The following MIPOL1 variants were observed in gnomAD, a reference collection of about 807,000 sequenced individuals.
MIPOL1 encodes mirror-image polydactyly gene 1 protein.
A neutral mutation model predicts 60.9 loss-of-function variants in MIPOL1; 57 were observed. The ratio of observed to expected loss-of-function variants is 0.94; its 90% CI spans 0.76 to 1.17. MIPOL1 has a LOEUF of 1.17. Among genes scored for constraint, MIPOL1 ranks in the 50% most tolerant of loss-of-function variants. The pLI is 0.00. For missense variants in MIPOL1, 551 were observed against 511.6 expected (o/e 1.08, Z -0.74); for synonymous variants, 179 against 168.8 (o/e 1.06, Z -0.47).
Position 37,375,476 on chromosome 14 carries a change from TG to T in MIPOL1, c.936+5853del, listed in dbSNP as rs1435950258. 7.2e-5 allele frequency among the ~76,000 whole-genome samples: 11 copies of T among 152,154 alleles called. 1 individual carries two copies. The highest frequency in any genetic ancestry group is 6.6e-4 in the Admixed American group (10 of 15,250). ...CGGGGATTACAGACATGAGCTGCCA[TG>T]CCCAGCCTCCTTTTTAATTTATTAA... On this transcript the variant is annotated intron_variant, in intron 10 of 12. Coordinates refer to ENST00000684589, the MANE Select transcript of MIPOL1 (RefSeq NM_001388067.1).
intron 11 of MIPOL1, among the ~76,000 whole-genome samples, chr14:37,432,180 C>T (rs2094083143): frequency 6.6e-6 from 1 of 152,156 alleles, no homozygotes; most frequent in Non-Finnish European, 1.5e-5. Context: ...TTCTATTAAT[C>T]CTTTTCTAAT....
chr14:37,244,166 A>G (rs1198416334), intron 1 of MIPOL1, among the ~76,000 whole-genome samples: 2 of 111,264 alleles, frequency 1.8e-5, no homozygotes, highest in African/African-American at 7.1e-5. Context: ...TGTCACCAGG[A>G]TGGAGTGCAG....
chr14:37,499,923 A>G lies in MIPOL1; in HGVS notation c.1047A>G (p.Leu349=), dbSNP rs2095190908. 1 of 1,576,046 alleles carries G rather than the reference A, an allele frequency of 6.3e-7. No homozygotes were observed. The highest frequency in any genetic ancestry group is 8.7e-7 in the Non-Finnish European group (1 of 1,154,932). The part of the protein sequence containing the change: ...LRVYYSLHKS[L]SQEENLKDQF... ...ATTTTCTCAGTTTACACAAATCTTT[A>G]TCTCAAGAAGAAAATCTGAAGGATC... Residue 349 remains leucine (L), a synonymous_variant, in exon 12 of 13, where the codon TTA becomes TTG. Transcript: ENST00000684589.
chr14:37,392,212 G>A (rs530430852), intron 10 of MIPOL1, among the ~76,000 whole-genome samples: 1 of 145,328 alleles, frequency 6.9e-6, no homozygotes, highest in South Asian at 2.3e-4. Flanking sequence ...CAGTGTATGT[G>A]TCTCCAGTTA....
intron 3 of MIPOL1, among the ~76,000 whole-genome samples, chr14:37,254,158 G>A (rs959846629): frequency 2.6e-5 from 4 of 151,704 alleles, no homozygotes; most frequent in Admixed American, 6.6e-5. Flanking sequence ...GCTACTCTTA[G>A]AAGAATGATT....
rs1355689347 is a variant in MIPOL1, at chr14:37,550,727, C to T, written c.*3756C>T. On this transcript the variant is annotated 3_prime_UTR_variant, in exon 13 of 13. Coordinates refer to ENST00000684589, the MANE Select transcript of MIPOL1 (RefSeq NM_001388067.1). ...AGAAAAGATGTGGTTTGTTTTGGCA[C>T]TGTTTTAAAAACTCAAATATTTTAA... 2 of 152,450 alleles carry T rather than the reference C, an allele frequency of 1.3e-5. No homozygotes were observed. The highest frequency in any genetic ancestry group is 2.9e-5 in the Non-Finnish European group (2 of 67,960). 9.4% of individuals were successfully genotyped at this position (152,450 alleles called of 1,614,324 possible). A position where few individuals can be genotyped will look rare whatever the true frequency, so the allele number is the denominator to read the frequency against.
intron 12 of MIPOL1, among the ~76,000 whole-genome samples, chr14:37,533,569 C>T (rs974305194): frequency 1.3e-5 from 2 of 152,200 alleles, no homozygotes; most frequent in South Asian, 2.1e-4. Flanking sequence ...TAAGCAAATG[C>T]TCATATGGGG....
At chr14:37,323,640 A>G (rs760379070) in intron 9 of MIPOL1, among the ~76,000 whole-genome samples, 2 of 152,036 alleles carry the variant, frequency 1.3e-5, no homozygotes, top group Non-Finnish European at 1.5e-5. Context: ...CAAATGAAAT[A>G]CATAAATATT....
intron 1 of MIPOL1, among the ~76,000 whole-genome samples, chr14:37,202,418 C>G (rs1339176265): frequency 1.3e-5 from 2 of 151,956 alleles, no homozygotes; most frequent in Non-Finnish European, 2.9e-5. Context: ...AACACACACA[C>G]AATGACTAAT....
At chr14:37,302,195 A>G (rs1005321247) in intron 7 of MIPOL1, among the ~76,000 whole-genome samples, 2 of 149,452 alleles carry the variant, frequency 1.3e-5, no homozygotes, top group Non-Finnish European at 3.0e-5. Flanking sequence ...CAGAGTGGCT[A>G]TACTAGCAAT....
chr14:37,373,492 G>A (rs967884312), intron 10 of MIPOL1, among the ~76,000 whole-genome samples: 25 of 151,586 alleles, frequency 1.6e-4, no homozygotes, highest in African/African-American at 6.1e-4. Flanking sequence ...GTGGCTTGCT[G>A]CACCCATTAA....
rs1225442842 is a variant in MIPOL1 at position 37,464,939 on chromosome 14, A to G, written c.1032-34969A>G. On this transcript the variant is annotated intron_variant, in intron 11 of 12. Transcript: ENST00000684589. Reference sequence around the variant, plus strand: ...ACCTGTGCAGCCTGAGTTAACTAGCATCATATTTTCAACTTATTTCAGTGA... The same window carrying G: ...ACCTGTGCAGCCTGAGTTAACTAGCGTCATATTTTCAACTTATTTCAGTGA... 2.0e-5 allele frequency among the ~76,000 whole-genome samples: 3 copies of G among 152,130 alleles called. No individual in the cohort carries two copies. The South Asian group carries it at 6.2e-4, about 31-fold the overall frequency.
chr14:37,525,768 T>G (rs1186472788), intron 12 of MIPOL1, among the ~76,000 whole-genome samples: 1 of 152,210 alleles, frequency 6.6e-6, no homozygotes, highest in Non-Finnish European at 1.5e-5. Context: ...CTTTTTGTTT[T>G]TCAGAGCTTT....
At chr14:37,313,294 G>T (rs1198521334) in intron 9 of MIPOL1, among the ~76,000 whole-genome samples, 2 of 152,074 alleles carry the variant, frequency 1.3e-5, no homozygotes, top group Non-Finnish European at 2.9e-5. Flanking sequence ...AGCTTTGAGG[G>T]CTGACTTTAT....
At chr14:37,366,595 T>A (rs997255860) in intron 9 of MIPOL1, among the ~76,000 whole-genome samples, 1 of 152,066 alleles carries the variant, frequency 6.6e-6, no homozygotes, top group Non-Finnish European at 1.5e-5. Context: ...GAATGATCCT[T>A]GTGCTGAGGA....
At chr14:37,366,570 A>G (rs543630169) in intron 9 of MIPOL1, among the ~76,000 whole-genome samples, 1 of 152,146 alleles carries the variant, frequency 6.6e-6, no homozygotes, top group South Asian at 2.1e-4. Context: ...GACCTAACAT[A>G]TGATCTACCC....
intron 1 of MIPOL1, among the ~76,000 whole-genome samples, chr14:37,230,776 T>C (rs766654640): frequency 6.6e-6 from 1 of 152,124 alleles, no homozygotes; most frequent in Non-Finnish European, 1.5e-5. Context: ...AGTCTATTTC[T>C]CCAGTAGGTG....
intron 2 of MIPOL1, 48 bp from the exon 3 acceptor site, chr14:37,247,781 C>G (rs932515912): frequency 1.2e-5 from 13 of 1,066,560 alleles, no homozygotes; most frequent in Non-Finnish European, 1.7e-5. Context: ...TAGGTGTGTT[C>G]TGATATATTG....
chr14:37,254,070 G>A (rs1190322498), intron 3 of MIPOL1, among the ~76,000 whole-genome samples: 1 of 151,734 alleles, frequency 6.6e-6, no homozygotes, highest in Non-Finnish European at 1.5e-5. Flanking sequence ...TGACCATCTA[G>A]AATATTTGAG....
Sources: allele counts gnomAD v4.1 joint callset (sites outside exome capture counted in the v4.1 genomes callset), GRCh38; gene constraint gnomAD v4.1.1; transcripts MANE v1.5; gene names NCBI Gene and HGNC (gene_info 2026-07-23, HGNC 2026-07-21).